Variants in TSHZ2 observed in about 807,000 individuals in gnomAD.
TSHZ2 encodes teashirt zinc finger homeobox 2, also known as teashirt homolog 2.
Under a neutral mutation model 74.4 loss-of-function variants are expected in TSHZ2, and 21 were observed. That is an observed-to-expected ratio of 0.28 (90% CI 0.20 to 0.41). TSHZ2 has a LOEUF of 0.41. Among genes scored for constraint, TSHZ2 ranks in the 10% least tolerant of loss-of-function variants. The pLI is 1.00. For synonymous variants in TSHZ2, 540 were observed against 515.3 expected, an observed-to-expected ratio of 1.05 and a Z score of -0.65; for missense variants, 1,244 against 1,293.5, an observed-to-expected ratio of 0.96 and a Z score of 0.59.
intron 2 of TSHZ2, among the ~76,000 whole-genome samples, chr20:53,397,088 C>T (rs532577454): frequency 2.0e-5 from 3 of 152,222 alleles, no homozygotes; most frequent in African/African-American, 7.2e-5. Context: ...GTCTAAAACA[C>T]CAAAAGCAAT....
At chr20:53,200,847 G>T (rs1054932748) in intron 1 of TSHZ2, among the ~76,000 whole-genome samples, 14 of 152,152 alleles carry the variant, frequency 9.2e-5, no homozygotes. Flanking sequence ...TGAATAAGAG[G>T]ATATGAAGTC....
At chr20:53,274,387 T>C (rs1187940935) in intron 2 of TSHZ2, among the ~76,000 whole-genome samples, 4 of 152,246 alleles carry the variant, frequency 2.6e-5, no homozygotes, top group African/African-American at 9.6e-5. Context: ...ATTTCATTCC[T>C]CTCTCCATTC....
chr20:53,065,590 T>C (rs1203320125), intron 1 of TSHZ2, among the ~76,000 whole-genome samples: 2 of 152,176 alleles, frequency 1.3e-5, no homozygotes, highest in Non-Finnish European at 2.9e-5. Flanking sequence ...AGGCAGATCG[T>C]AAATGGTTGG....
chr20:53,133,951 T>C (rs1459147353), intron 1 of TSHZ2, among the ~76,000 whole-genome samples: 3 of 118,158 alleles, frequency 2.5e-5, no homozygotes, highest in African/African-American at 1.4e-4. Context: ...CTTTGATAGA[T>C]TTTTTACCAT....
At chr20:53,088,393 G>A (rs999319497) in intron 1 of TSHZ2, among the ~76,000 whole-genome samples, 1 of 152,112 alleles carries the variant, frequency 6.6e-6, no homozygotes, top group Non-Finnish European at 1.5e-5. Context: ...GTACTATGGA[G>A]GGAAATCCTT....
At chr20:53,243,055 A>G (rs1048970159) in intron 1 of TSHZ2, among the ~76,000 whole-genome samples, 7 of 152,160 alleles carry the variant, frequency 4.6e-5, no homozygotes, top group African/African-American at 7.2e-5. Context: ...GTTGTTGGTA[A>G]TTTCGGAGGA....
intron 1 of TSHZ2, among the ~76,000 whole-genome samples, chr20:53,184,265 A>G (rs1988549471): frequency 6.6e-6 from 1 of 152,182 alleles, no homozygotes; most frequent in African/African-American, 2.4e-5. Flanking sequence ...TGATTCAATC[A>G]ACAAATATTT....
intron 1 of TSHZ2, among the ~76,000 whole-genome samples, chr20:53,139,429 G>T (rs1406055266): frequency 2.0e-5 from 3 of 152,164 alleles, no homozygotes; most frequent in Non-Finnish European, 2.9e-5. Context: ...CCCACAGAAG[G>T]CCCCTTCAAA....
At chr20:53,372,038 T>C (rs1194361263) in intron 2 of TSHZ2, among the ~76,000 whole-genome samples, 1 of 152,144 alleles carries the variant, frequency 6.6e-6, no homozygotes, top group East Asian at 1.9e-4. Flanking sequence ...TCTCTGTGTT[T>C]CTGTGTCCTC....
intron 1 of TSHZ2, among the ~76,000 whole-genome samples, chr20:53,216,282 C>T (rs1021571913): frequency 2.6e-5 from 4 of 152,208 alleles, no homozygotes; most frequent in Non-Finnish European, 5.9e-5. Flanking sequence ...CCTCACTTCA[C>T]CAGCCAAGCC....
chr20:53,426,850 G>A (rs1983673943), intron 2 of TSHZ2, among the ~76,000 whole-genome samples: 1 of 152,162 alleles, frequency 6.6e-6, no homozygotes, highest in Non-Finnish European at 1.5e-5. Flanking sequence ...AGCATTGAGT[G>A]ACTTCTTCAG....
At chr20:53,426,779 T>C (rs1238916710) in intron 2 of TSHZ2, among the ~76,000 whole-genome samples, 1 of 152,104 alleles carries the variant, frequency 6.6e-6, no homozygotes, top group Non-Finnish European at 1.5e-5. Context: ...AAAAGGAAGG[T>C]GGAGGGGAAG....
At chr20:53,285,045 G>A (rs1450066076) in intron 2 of TSHZ2, among the ~76,000 whole-genome samples, 1 of 152,158 alleles carries the variant, frequency 6.6e-6, no homozygotes, top group African/African-American at 2.4e-5. Flanking sequence ...CAGAAGCACA[G>A]GAGACAGATG....
chr20:53,297,626 G>T (rs969150718), intron 2 of TSHZ2, among the ~76,000 whole-genome samples: 3 of 152,202 alleles, frequency 2.0e-5, no homozygotes, highest in African/African-American at 7.2e-5. Context: ...GTAGGACACA[G>T]TTAGTAGCAG....
chr20:53,359,436 T>G (rs2145601058), intron 2 of TSHZ2, among the ~76,000 whole-genome samples: 1 of 152,346 alleles, frequency 6.6e-6, no homozygotes, highest in Admixed American at 6.5e-5. Flanking sequence ...AAAATTAAAG[T>G]GTTTTCATAA....
At chr20:53,101,296 C>A (rs1986210255) in intron 1 of TSHZ2, among the ~76,000 whole-genome samples, 1 of 152,038 alleles carries the variant, frequency 6.6e-6, no homozygotes. Flanking sequence ...CTGTTCAGAT[C>A]GTCACCAAAA....
intron 2 of TSHZ2, among the ~76,000 whole-genome samples, chr20:53,354,029 G>T (rs571980631): frequency 1.6e-4 from 24 of 152,316 alleles, no homozygotes; most frequent in Non-Finnish European, 3.5e-4. Flanking sequence ...TGACCATAAT[G>T]GAAGGATTCA....
chr20:53,312,101 A>T (rs542539770), intron 2 of TSHZ2, among the ~76,000 whole-genome samples: 10 of 152,182 alleles, frequency 6.6e-5, no homozygotes, highest in South Asian at 2.1e-4. Flanking sequence ...AAATTTTTTT[A>T]AAAAAAATCT....
At chr20:53,472,092 C>T (rs538270477) in intron 2 of TSHZ2, among the ~76,000 whole-genome samples, 14 of 152,168 alleles carry the variant, frequency 9.2e-5, no homozygotes, top group South Asian at 6.2e-4. Flanking sequence ...GGTGTGAGCC[C>T]GCGCCCGGCC....
Sources: allele counts gnomAD v4.1 joint callset (sites outside exome capture counted in the v4.1 genomes callset), GRCh38; gene constraint gnomAD v4.1.1; transcripts MANE v1.5; gene names NCBI Gene and HGNC (gene_info 2026-07-23, HGNC 2026-07-21).